The following RNF213 variants were observed in gnomAD, a reference collection of about 807,000 sequenced individuals.
RNF213 encodes ring finger protein 213.
In RNF213, 341 loss-of-function variants were observed where a neutral mutation model predicts 514.4. The observed-to-expected ratio is 0.66, with a 90% CI of 0.61 to 0.73. The LOEUF is 0.73. Ranked by LOEUF, RNF213 falls within the 30% of genes least tolerant of loss-of-function variation. The probability of loss-of-function intolerance (pLI) is 0.00; values close to 1 mark genes in which losing one functional copy is unlikely to be tolerated. For missense variants in RNF213, 5,767 were observed against 6,615.6 expected (o/e 0.87, Z 4.45); for synonymous variants, 2,655 against 2,658.2 (o/e 1.00, Z 0.04).
rs1271834503 is a variant in RNF213, at chr17:80,294,989, T to G, written c.1741T>G (p.Tyr581Asp). The G allele has an allele frequency of 6.2e-7, 1 of 1,614,132 alleles. No homozygotes were observed. Among genetic ancestry groups the G allele is most frequent in the Non-Finnish European group, 8.5e-7 (1 of 1,180,030 alleles). Residue 581 changes from tyrosine to aspartate, a missense_variant, in exon 9 of 68, where the codon TAC (tyrosine) becomes GAC (aspartate). Tyr to Asp is a radical substitution (Grantham distance 160). Around this residue, in one of 13 missense-constraint regions of RNF213, gnomAD observed 592 missense variants for 673.9 expected, o/e 0.88. Transcript: ENST00000582970. Reference protein sequence around the residue: ...GQAQLWTDLQYREKEVKRYLW... With the variant: ...GQAQLWTDLQDREKEVKRYLW... ...GGCACAGCTGTGGACCGATTTGCAG[T>G]ACAGGGAGAAAGAGGTATCAGGCTT...
intron 22 of RNF213, 76 bp downstream of exon 22, chr17:80,334,346 T>C: frequency 7.0e-7 from 1 of 1,431,772 alleles, no homozygotes; most frequent in Non-Finnish European, 9.2e-7. Context: ...GTTCCTAAAC[T>C]CTTTGGCAAT....
At chr17:80,329,435 C>T (rs934405821) in intron 20 of RNF213, among the ~76,000 whole-genome samples, 4 of 152,246 alleles carry the variant, frequency 2.6e-5, no homozygotes, top group Non-Finnish European at 1.5e-5. Flanking sequence ...GTGCCAGTTA[C>T]ACATCCTTCA....
In RNF213 at chr17:80,313,153, G is replaced by T. The variant is rs199795186; in HGVS notation, c.2797G>T (p.Val933Phe). 2 of 1,614,120 alleles carry T rather than the reference G, an allele frequency of 1.2e-6. No individual in the cohort carries two copies. Among genetic ancestry groups the T allele is most frequent in the Admixed American group, 1.7e-5 (1 of 60,032 alleles). Reference protein sequence around the residue: ...LTSSGASFTYVKEIEVWRRLV... With the variant: ...LTSSGASFTYFKEIEVWRRLV... ...ATCTTCAGGTGCCTCATTCACATAC[G>T]TCAAGGAAATTGAGGTAGGCATTTG... The change falls in exon 15 of 68, where the codon GTC (valine) becomes TTC (phenylalanine). Residue 933 changes from valine to phenylalanine, a missense_variant. Val to Phe is a conservative substitution (Grantham distance 50). Around this residue, in one of 13 missense-constraint regions of RNF213, gnomAD observed 592 missense variants for 673.9 expected, o/e 0.88. Transcript: ENST00000582970.
chr17:80,267,217 C>CA (rs201148773), intron 2 of RNF213, among the ~76,000 whole-genome samples: 228 of 111,804 alleles, frequency 2.0e-3, no homozygotes, highest in African/African-American at 2.8e-3. Context: ...GACTCTGTCT[C>CA]AAAAAAAAAA....
chr17:80,330,140 G>A (rs1053074325), intron 20 of RNF213, among the ~76,000 whole-genome samples: 6 of 151,976 alleles, frequency 3.9e-5, no homozygotes, highest in Non-Finnish European at 7.4e-5. Flanking sequence ...TCTTTTTCTC[G>A]GAATGTTCCT....
At chr17:80,364,334 C>T in intron 41 of RNF213, 99 bp from the exon 42 acceptor site, 5 of 1,565,384 alleles carry the variant, frequency 3.2e-6, no homozygotes, top group Non-Finnish European at 4.4e-6. Context: ...GGCCTGGACC[C>T]CGGGTCCCGC....
chr17:80,298,140 C>T (rs535053529), intron 10 of RNF213, among the ~76,000 whole-genome samples, 181 bp from the exon 11 acceptor site: 2 of 152,238 alleles, frequency 1.3e-5, no homozygotes, highest in African/African-American at 2.4e-5. Context: ...AAGGAGCTGA[C>T]GCCCTAGGCT....
At chr17:80,319,097 G>A in intron 16 of RNF213, 93 bp from the exon 17 acceptor site, 2 of 1,610,752 alleles carry the variant, frequency 1.2e-6, no homozygotes, top group Non-Finnish European at 1.7e-6. Flanking sequence ...TAAAACAGCA[G>A]GAAAGTAAAA....
At chr17:80,271,072 G>T (rs981498410) in intron 2 of RNF213, among the ~76,000 whole-genome samples, 11 of 152,006 alleles carry the variant, frequency 7.2e-5, no homozygotes, top group Admixed American at 2.6e-4. Flanking sequence ...GCCCTGATTG[G>T]ATTAGGCTAG....
In RNF213 at chr17:80,334,098, C is replaced by G; in HGVS notation, c.4144-7C>G. 6.5e-7 allele frequency: 1 copy of G among 1,537,168 alleles called. No individual in the cohort carries two copies. The highest frequency in any genetic ancestry group is 2.4e-5 in the East Asian group (1 of 40,902). On this transcript the variant is annotated splice_region_variant and splice_polypyrimidine_tract_variant and intron_variant, in intron 21 of 67. Transcript: ENST00000582970. ...GTTCCAGTCCACAGTAGAGCTTTTT[C>G]TTGCAGACTGATAACTTCGACGACT...
At chr17:80,386,158 A>G in intron 61 of RNF213, 92 bp from the exon 62 acceptor site, 1 of 1,249,568 alleles carries the variant, frequency 8.0e-7, no homozygotes, top group Non-Finnish European at 1.2e-6. Flanking sequence ...CTGTGTGTGG[A>G]GCTGATGGCT....
intron 64 of RNF213, 126 bp from the exon 65 acceptor site, chr17:80,389,047 T>G (rs1422248278): frequency 2.3e-6 from 2 of 886,532 alleles, no homozygotes; most frequent in Non-Finnish European, 3.7e-6. Flanking sequence ...CGCCCAAGTG[T>G]CAGCTGTTAG....
chr17:80,318,774 C>T (rs570277060), intron 16 of RNF213, among the ~76,000 whole-genome samples: 107 of 152,180 alleles, frequency 7.0e-4, no homozygotes, highest in African/African-American at 2.2e-3. Context: ...GGGGTTTCAC[C>T]GTGTTAGCCA....
Position 80,389,344 on chromosome 17 carries a change from G to C in RNF213, c.15172G>C (p.Asp5058His), listed in dbSNP as rs2080368351. ...TACTCAAGACATCCTGCAAATGGGT[G>C]ATCAGACGATTCACGTGTTAAAGGT... The part of the protein sequence containing the change: ...VYTQDILQMG[D>H]QTIHVLKALN... The change falls in exon 65 of 68, where the codon GAT becomes CAT. Residue 5058 changes from aspartate to histidine, a missense_variant. By Grantham distance (81) the Asp-to-His change is moderately conservative. Coordinates refer to ENST00000582970, the MANE Select transcript of RNF213 (RefSeq NM_001256071.3). The C allele has an allele frequency of 6.2e-7, 1 of 1,614,048 alleles. No homozygotes were observed. Among genetic ancestry groups the C allele is most frequent in the African/African-American group, 1.3e-5 (1 of 74,932 alleles).
Position 80,340,198 on chromosome 17 carries a change from G to T in RNF213, c.5831G>T (p.Ser1944Ile), listed in dbSNP as rs754912687. Residue 1944 changes from serine to isoleucine, a missense_variant, in exon 26 of 68, where the codon AGC becomes ATC. Transcript: ENST00000582970. Reference sequence around the variant, plus strand: ...CACTGCTACCTCCCCTCTGCCTTCAGCCAGCACAAGGTCTTCGTCACCCCC... The same window carrying T: ...CACTGCTACCTCCCCTCTGCCTTCATCCAGCACAAGGTCTTCGTCACCCCC... The part of the protein sequence containing the change: ...WEHCYLPSAF[S>I]QHKVFVTPQA... The T allele has an allele frequency of 1.9e-6, 3 of 1,613,980 alleles. No homozygotes were observed. Among genetic ancestry groups the T allele is most frequent in the Non-Finnish European group, 2.5e-6 (3 of 1,180,012 alleles).
intron 39 of RNF213, among the ~76,000 whole-genome samples, chr17:80,362,814 C>T (rs758480939): frequency 6.6e-5 from 10 of 152,188 alleles, no homozygotes; most frequent in East Asian, 3.9e-4. Flanking sequence ...AAAGTATGGC[C>T]GTATGATGGG....
At chr17:80,358,228 G>A (rs2078905781) in intron 36 of RNF213, 60 bp from the exon 37 acceptor site, 1 of 1,477,860 alleles carries the variant, frequency 6.8e-7, no homozygotes, top group East Asian at 2.3e-5. Context: ...GTCAAAAGGT[G>A]GCAGACCGCC....
chr17:80,317,386 A>G lies in RNF213; in HGVS notation c.2901+109A>G, dbSNP rs2045982797. On this transcript the variant is annotated intron_variant, in intron 16 of 67. Coordinates refer to ENST00000582970, the MANE Select transcript of RNF213 (RefSeq NM_001256071.3). This position sits in a 1 kb window ranked among gnomAD's most constrained non-coding sequence, Gnocchi z 4.1. ...CAGCAGTGCCTCTCTGTGGGCAGGG[A>G]TGGGGTGAATCACAGCTCCGTGTTT... is the stretch of plus-strand genomic sequence containing the variant. 1 of 946,384 alleles carries G rather than the reference A, an allele frequency of 1.1e-6. No individual in the cohort carries two copies. Among genetic ancestry groups the G allele is most frequent in the Admixed American group, 2.0e-5 (1 of 50,114 alleles). 58.6% of individuals were successfully genotyped at this position (946,384 alleles called of 1,614,324 possible). A position where few individuals can be genotyped will look rare whatever the true frequency, so the allele number is the denominator to read the frequency against.
chr17:80,290,521 G>C (rs1393717647), intron 6 of RNF213, 49 bp from the exon 7 acceptor site: 3 of 1,611,356 alleles, frequency 1.9e-6, no homozygotes, highest in Non-Finnish European at 2.5e-6. Context: ...GCACATGGCA[G>C]GTGGACAGAT....
Sources: allele counts gnomAD v4.1 joint callset (sites outside exome capture counted in the v4.1 genomes callset), GRCh38; gene constraint gnomAD v4.1.1; regional missense constraint gnomAD v4.1.1; non-coding constraint Gnocchi (gnomAD v3.1); transcripts MANE v1.5; gene names NCBI Gene and HGNC (gene_info 2026-07-23, HGNC 2026-07-21).